POFUT3: variants seen among roughly 807,000 people sequenced by gnomAD.
POFUT3 encodes GDP-fucose protein O-fucosyltransferase 3.
chr8:33,323,029 T>C, the POFUT3 span, among the ~76,000 whole-genome samples: 2 of 152,072 alleles, frequency 1.3e-5, no homozygotes, highest in African/African-American at 4.8e-5. Flanking sequence ...TGGGCAACAA[T>C]AATTTTAATT....
chr8:33,439,738 G>A, the POFUT3 span, among the ~76,000 whole-genome samples: 1 of 151,864 alleles, frequency 6.6e-6, no homozygotes, highest in Non-Finnish European at 1.5e-5. Flanking sequence ...ACAGTGGCAG[G>A]CACCTATAAT....
chr8:33,379,503 C>T, the POFUT3 span, among the ~76,000 whole-genome samples: 2 of 151,970 alleles, frequency 1.3e-5, no homozygotes, highest in African/African-American at 4.8e-5. Context: ...GATGTTGGAA[C>T]TATCAGGCAG....
the POFUT3 span, among the ~76,000 whole-genome samples, chr8:33,409,543 C>G: frequency 4.6e-5 from 7 of 152,340 alleles, no homozygotes; most frequent in Non-Finnish European, 8.8e-5. Flanking sequence ...GATTCCTTCT[C>G]TGGAAATATC....
At chr8:33,452,698 AC>A in the POFUT3 span, 1 of 152,242 alleles carries the variant, frequency 6.6e-6, no homozygotes, top group African/African-American at 2.4e-5. Flanking sequence ...ACACACACAC[AC>A]ACACACACAC....
At chr8:33,375,203 A>C in the POFUT3 span, among the ~76,000 whole-genome samples, 6 of 151,898 alleles carry the variant, frequency 4.0e-5, no homozygotes, top group Admixed American at 6.6e-5. Context: ...AAATGAAGAC[A>C]TTTTCACACA....
chr8:33,434,379 TCCATCC>T, the POFUT3 span, among the ~76,000 whole-genome samples: 1 of 152,130 alleles, frequency 6.6e-6, no homozygotes, highest in African/African-American at 2.4e-5. Flanking sequence ...GCTTTTTCTT[TCCATCC>T]CCCACCAAGG....
At chr8:33,320,351 A>C in the POFUT3 span, among the ~76,000 whole-genome samples, 1 of 152,018 alleles carries the variant, frequency 6.6e-6, no homozygotes, top group Non-Finnish European at 1.5e-5. Flanking sequence ...AGCCTAAGAG[A>C]GTTTATTTAG....
the POFUT3 span, among the ~76,000 whole-genome samples, chr8:33,348,595 A>C: frequency 6.6e-6 from 1 of 152,238 alleles, no homozygotes; most frequent in Non-Finnish European, 1.5e-5. Context: ...AGAAATACAA[A>C]TATGTAATGA....
At chr8:33,341,223 G>T in the POFUT3 span, among the ~76,000 whole-genome samples, 3 of 151,750 alleles carry the variant, frequency 2.0e-5, no homozygotes, top group Non-Finnish European at 4.4e-5. Context: ...ATCACTTGAG[G>T]TCAGGAGTGC....
chr8:33,470,060 T>A, the POFUT3 span, among the ~76,000 whole-genome samples: 1 of 151,704 alleles, frequency 6.6e-6, no homozygotes, highest in African/African-American at 2.4e-5. Flanking sequence ...CCCAAAGTGC[T>A]AGGATTACAG....
chr8:33,450,689 G>T, the POFUT3 span, among the ~76,000 whole-genome samples: 1 of 152,286 alleles, frequency 6.6e-6, no homozygotes, highest in African/African-American at 2.4e-5. Context: ...GGTTCTCCAT[G>T]AGAGTCACTG....
the POFUT3 span, among the ~76,000 whole-genome samples, chr8:33,402,532 T>C: frequency 6.6e-6 from 1 of 152,196 alleles, no homozygotes; most frequent in African/African-American, 2.4e-5. Context: ...AGGATACCCC[T>C]ACCTTGATTT....
chr8:33,376,892 G>C, the POFUT3 span, among the ~76,000 whole-genome samples: 35 of 152,308 alleles, frequency 2.3e-4, no homozygotes, highest in African/African-American at 7.2e-4. Context: ...GGTAGGTACA[G>C]ATGCCAGACT....
the POFUT3 span, among the ~76,000 whole-genome samples, chr8:33,388,061 A>T: frequency 6.6e-6 from 1 of 152,248 alleles, no homozygotes; most frequent in Admixed American, 6.5e-5. Context: ...AGAAATTTGA[A>T]GACATTACTA....
At chr8:33,388,067 T>C in the POFUT3 span, among the ~76,000 whole-genome samples, 4 of 152,206 alleles carry the variant, frequency 2.6e-5, no homozygotes, top group Non-Finnish European at 5.9e-5. Context: ...TTGAAGACAT[T>C]ACTAAGAAGT....
the POFUT3 span, among the ~76,000 whole-genome samples, chr8:33,458,262 TA>T: frequency 0.66 from 100,470 of 151,546 alleles, 33,724 homozygotes; most frequent in African/African-American, 0.75. Context: ...TCCTGAACTG[TA>T]AAAAAAAAAT....
At chr8:33,468,780 T>C in the POFUT3 span, among the ~76,000 whole-genome samples, 2 of 152,198 alleles carry the variant, frequency 1.3e-5, no homozygotes, top group Admixed American at 6.5e-5. Flanking sequence ...CCCTAGAGTG[T>C]TGATTGGATA....
At chr8:33,310,322 A>G in the POFUT3 span, among the ~76,000 whole-genome samples, 4 of 152,190 alleles carry the variant, frequency 2.6e-5, no homozygotes, top group African/African-American at 9.7e-5. Context: ...TAAGGATTTG[A>G]TATACAATTT....
At chr8:33,424,576 G>A in the POFUT3 span, among the ~76,000 whole-genome samples, 1 of 152,158 alleles carries the variant, frequency 6.6e-6, no homozygotes, top group Admixed American at 6.6e-5. Context: ...GAGAGAAGCA[G>A]GATGCCCGGC....
Sources: allele counts gnomAD v4.1 joint callset (sites outside exome capture counted in the v4.1 genomes callset), GRCh38; gene constraint gnomAD v4.1.1; transcripts MANE v1.5; gene names NCBI Gene and HGNC (gene_info 2026-07-23, HGNC 2026-07-21).